The following SLC12A1 variants were observed in gnomAD, a reference collection of about 807,000 sequenced individuals.
The protein encoded by SLC12A1 is solute carrier family 12 member 1, also known as Na-K-2Cl cotransporter.
In SLC12A1, 89 loss-of-function variants were observed where a neutral mutation model predicts 130.4. The observed-to-expected ratio is 0.68, with a 90% CI of 0.58 to 0.81. SLC12A1 has a LOEUF of 0.81. Among genes scored for constraint, SLC12A1 ranks in the 40% least tolerant of loss-of-function variants. The pLI is 0.00. For missense variants in SLC12A1, 1,310 were observed against 1,336.4 expected (o/e 0.98, Z 0.31); for synonymous variants, 499 against 460.0 (o/e 1.08, Z -1.09).
chr15:48,245,014 C>T (rs923219631), intron 11 of SLC12A1, 110 bp downstream of exon 11: 1 of 997,844 alleles, frequency 1.0e-6, no homozygotes, highest in African/African-American at 1.6e-5. Flanking sequence ...TGATAAGAAT[C>T]CAGCATGGAA....
intron 2 of SLC12A1, among the ~76,000 whole-genome samples, chr15:48,217,455 C>G (rs2041137761): frequency 6.6e-6 from 1 of 152,132 alleles, no homozygotes. Context: ...ATTATGTTAG[C>G]TTTCAATTAT....
chr15:48,274,712 C>T (rs760017677), intron 20 of SLC12A1, 59 bp downstream of exon 20: 17 of 1,192,624 alleles, frequency 1.4e-5, no homozygotes, highest in Non-Finnish European at 2.1e-5. Context: ...TTGTGCCTGA[C>T]ATTGTTATGG....
At chr15:48,299,118 T>C (rs750141655) in intron 24 of SLC12A1, 22 bp from the exon 25 acceptor site, 29 of 1,593,424 alleles carry the variant, frequency 1.8e-5, no homozygotes, top group Non-Finnish European at 2.5e-5. Context: ...CTGTGAGGCC[T>C]CCTTTATAAT....
At chr15:48,224,783 A>G (rs1348661940) in intron 4 of SLC12A1, 5 of 152,296 alleles carry the variant, frequency 3.3e-5, no homozygotes, top group African/African-American at 1.2e-4. Context: ...CTCAGCTCCA[A>G]ATAATCCTTA....
At chr15:48,211,376 C>G (rs547863093) in intron 2 of SLC12A1, among the ~76,000 whole-genome samples, 48 of 152,288 alleles carry the variant, frequency 3.2e-4, no homozygotes, top group African/African-American at 1.1e-3. Context: ...ACTTTTCCCC[C>G]CTCAAATATA....
intron 20 of SLC12A1, among the ~76,000 whole-genome samples, chr15:48,276,576 G>A (rs192396852): frequency 4.5e-4 from 68 of 152,296 alleles, no homozygotes; most frequent in African/African-American, 1.5e-3. Context: ...TGAGGCCTCA[G>A]AATAAAATCA....
At chr15:48,253,088 G>C (rs1362519712) in intron 15 of SLC12A1, among the ~76,000 whole-genome samples, 1 of 152,196 alleles carries the variant, frequency 6.6e-6, no homozygotes, top group Non-Finnish European at 1.5e-5. Flanking sequence ...GGGTAACCCA[G>C]AGCCACCCTC....
In SLC12A1 at chr15:48,269,620, C is replaced by G. The variant is rs766417195; in HGVS notation, c.2296-38C>G. 4 of 1,078,776 alleles carry G rather than the reference C, an allele frequency of 3.7e-6. No homozygotes were observed. In the Admixed American group the frequency reaches 5.3e-5, roughly 14 times the overall value. 66.8% of individuals were successfully genotyped at this position (1,078,776 alleles called of 1,614,324 possible). On this transcript the variant is annotated intron_variant, in intron 18 of 26. Coordinates refer to ENST00000380993, the MANE Select transcript of SLC12A1 (RefSeq NM_000338.3). ...CATTTGTGATGGTAGTTTCCCAGTACGGTAAGGATTGCCCACATTTTTATG... is the reference window on the plus strand; with the variant it reads ...CATTTGTGATGGTAGTTTCCCAGTAGGGTAAGGATTGCCCACATTTTTATG...
chr15:48,263,392 TG>T (rs1330307588), intron 17 of SLC12A1, among the ~76,000 whole-genome samples: 2 of 152,214 alleles, frequency 1.3e-5, no homozygotes, highest in Non-Finnish European at 2.9e-5. Context: ...TACATTATGT[TG>T]TGCTGGTGGC....
intron 21 of SLC12A1, 89 bp downstream of exon 21, chr15:48,285,338 G>T: frequency 2.3e-6 from 3 of 1,303,706 alleles, no homozygotes; most frequent in South Asian, 1.3e-5. Flanking sequence ...CATCTAAGAT[G>T]TTGGGAGCAT....
At chr15:48,251,039 G>T (rs2041642594) in intron 14 of SLC12A1, among the ~76,000 whole-genome samples, 4 of 151,936 alleles carry the variant, frequency 2.6e-5, no homozygotes, top group Admixed American at 1.3e-4. Context: ...AGAAGCCTTT[G>T]CTAGCCCTTA....
intron 8 of SLC12A1, 59 bp downstream of exon 8, chr15:48,232,897 C>A: frequency 9.8e-7 from 1 of 1,018,120 alleles, no homozygotes. Context: ...CTCCTCATCA[C>A]CATCCCCATC....
At position 48,244,766 on chromosome 15, in the gene SLC12A1, C is replaced by G; in HGVS notation, c.1314C>G (p.Val438=). The part of the protein sequence containing the change: ...GVAICVGACV[V]RDATGNMNDT... ...TTGTTTCCACAGGGGCCTGTGTGGT[C>G]CGAGATGCCACCGGGAACATGAATG... The change falls in exon 11 of 27, where the codon GTC becomes GTG. Residue 438 remains valine (V), a synonymous_variant. Coordinates refer to ENST00000380993, the MANE Select transcript of SLC12A1 (RefSeq NM_000338.3). The G allele has an allele frequency of 6.2e-7, 1 of 1,613,832 alleles. No individual in the cohort carries two copies. The highest frequency in any genetic ancestry group is 2.2e-5 in the East Asian group (1 of 44,880).
At chr15:48,218,085 C>G (rs527623264) in intron 2 of SLC12A1, 1 of 152,514 alleles carries the variant, frequency 6.6e-6, no homozygotes, top group Non-Finnish European at 1.5e-5. Flanking sequence ...ACTGGGATTA[C>G]AGGCATGAGC....
At position 48,301,372 on chromosome 15, in the gene SLC12A1, C is replaced by T. The variant is rs751271583; in HGVS notation, c.3154C>T (p.Leu1052Phe). 3.8e-6 allele frequency: 6 copies of T among 1,587,894 alleles called. No individual in the cohort carries two copies. The East Asian group carries it at 1.4e-4, about 36-fold the overall frequency. The change falls in exon 26 of 27, where the codon CTC becomes TTC. Residue 1052 changes from leucine to phenylalanine, a missense_variant. By Grantham distance (22) the Leu-to-Phe change is conservative (BLOSUM62 0). Coordinates refer to ENST00000380993, the MANE Select transcript of SLC12A1 (RefSeq NM_000338.3). Reference sequence around the variant, plus strand: ...ACAGGAGCACTCCAGAGCTGCTAATCTCATTGTCCTGTAAGTATCATTGCA... The same window carrying T: ...ACAGGAGCACTCCAGAGCTGCTAATTTCATTGTCCTGTAAGTATCATTGCA... Reference protein sequence around the residue: ...LLQEHSRAANLIVLSLPVARK... With the variant: ...LLQEHSRAANFIVLSLPVARK...
intron 9 of SLC12A1, among the ~76,000 whole-genome samples, chr15:48,238,049 T>C (rs1355585308): frequency 6.6e-6 from 1 of 152,202 alleles, no homozygotes; most frequent in Non-Finnish European, 1.5e-5. Context: ...TTTACTATGA[T>C]CCACGGTAAG....
chr15:48,300,415 T>C (rs1163054488), intron 25 of SLC12A1, among the ~76,000 whole-genome samples: 1 of 151,986 alleles, frequency 6.6e-6, no homozygotes. Flanking sequence ...TACTGGAACA[T>C]GTGGGATTTT....
intron 23 of SLC12A1, among the ~76,000 whole-genome samples, chr15:48,289,414 T>C (rs1409689267): frequency 7.5e-6 from 1 of 133,828 alleles, no homozygotes; most frequent in Non-Finnish European, 1.6e-5. Context: ...TATATATATA[T>C]ATATATATAT....
chr15:48,215,433 A>G (rs937727731), intron 2 of SLC12A1, among the ~76,000 whole-genome samples: 6 of 152,200 alleles, frequency 3.9e-5, no homozygotes, highest in African/African-American at 1.4e-4. Flanking sequence ...AAGCTACATA[A>G]TTTAGAATAC....
Sources: gnomAD v4.1 joint callset for allele counts (sites outside exome capture counted in the v4.1 genomes callset) on GRCh38, gnomAD v4.1.1 for gene constraint, MANE v1.5 for transcripts, NCBI Gene and HGNC (gene_info 2026-07-23, HGNC 2026-07-21) for gene names.